CNOT3: variants seen among roughly 807,000 people sequenced by gnomAD.
CNOT3 encodes the protein CCR4-NOT transcription complex subunit 3, also known as CCR4-associated factor 3.
Under a neutral mutation model 89.4 loss-of-function variants are expected in CNOT3, and 2 were observed. That is an observed-to-expected ratio of 0.02 (90% CI 0.01 to 0.07). The LOEUF is 0.07. CNOT3 is among the 10% of genes least tolerant of loss of function. CNOT3 has a pLI of 1.00. For synonymous variants in CNOT3, 486 were observed against 402.0 expected (o/e 1.21, Z -2.50); for missense variants, 664 against 1,010.2 (o/e 0.66, Z 4.65).
chr19:54,140,189 CTGGTTT>C (rs1328814396), intron 1 of CNOT3, among the ~76,000 whole-genome samples: 8 of 152,098 alleles, frequency 5.3e-5, no homozygotes. Flanking sequence ...CTCTTCTTTA[CTGGTTT>C]TGGCTCTGAT....
In CNOT3 at chr19:54,152,228, C is replaced by A. The variant is rs745669715; in HGVS notation, c.1608C>A (p.Ala536=). ...CAGGCCTCTTGTTTCCTCCCCAGGC[C>A]CCTGAGCCTCTGAGCTCCTTGAAGT... is the stretch of plus-strand genomic sequence containing the variant. ...PQFSTAPEIK[A]PEPLSSLKSM... Residue 536 remains alanine, a splice_region_variant and synonymous_variant, in exon 14 of 18, where the codon GCC becomes GCA. Transcript: ENST00000221232. The A allele has an allele frequency of 6.2e-7, 1 of 1,614,120 alleles. No homozygotes were observed. The highest frequency in any genetic ancestry group is 1.1e-5 in the South Asian group (1 of 91,078).
In CNOT3 at chr19:54,137,960, G is replaced by C. The variant is rs2074282855; in HGVS notation, c.-84G>C. On this transcript the variant is annotated 5_prime_UTR_variant, in exon 1 of 18. Coordinates refer to ENST00000221232, the MANE Select transcript of CNOT3 (RefSeq NM_014516.4). ...GGCGCTCGCCTCCCCCGCCTGTCGCGATACGCTCCTCAGCGGCGGCGCCAG... is the reference window on the plus strand; with the variant it reads ...GGCGCTCGCCTCCCCCGCCTGTCGCCATACGCTCCTCAGCGGCGGCGCCAG... The C allele has an allele frequency of 6.6e-6, 1 of 152,120 alleles. No homozygotes were observed. The highest frequency in any genetic ancestry group is 2.4e-5 in the African/African-American group (1 of 41,444). 9.4% of individuals were successfully genotyped at this position (152,120 alleles called of 1,614,324 possible).
rs773852049 is a variant in CNOT3 at position 54,149,542 on chromosome 19, T to C, written c.1407-18T>C. The C allele has an allele frequency of 5.2e-6, 8 of 1,527,654 alleles. No individual in the cohort carries two copies. The African/African-American group carries it at 8.3e-5, about 16-fold the overall frequency. The allele number at this position is 1,527,654 out of a possible 1,614,324, so 94.6% of individuals were successfully genotyped here. Reference sequence around the variant, plus strand: ...AGGGACCCTCCTCTCAACCCCCTCTTCCATGCTCTCTCTCCAGGAAGGAAC... The same window carrying C: ...AGGGACCCTCCTCTCAACCCCCTCTCCCATGCTCTCTCTCCAGGAAGGAAC... On this transcript the variant is annotated intron_variant, in intron 12 of 17. Coordinates refer to ENST00000221232, the MANE Select transcript of CNOT3 (RefSeq NM_014516.4).
chr19:54,152,967 G>C lies in CNOT3; in HGVS notation c.2005G>C (p.Glu669Gln). The C allele has an allele frequency of 6.2e-7, 1 of 1,609,284 alleles. No individual in the cohort carries two copies. Among genetic ancestry groups the C allele is most frequent in the Non-Finnish European group, 8.5e-7 (1 of 1,176,778 alleles). Residue 669 changes from glutamate to glutamine, a missense_variant, in exon 16 of 18, where the codon GAG (glutamate) becomes CAG (glutamine). By Grantham distance (29) the Glu-to-Gln change is conservative. Transcript: ENST00000221232. Reference protein sequence around the residue: ...TVEFYQRLSTETLFFIFYYLE... With the variant: ...TVEFYQRLSTQTLFFIFYYLE... ...GGAATTCTACCAGCGCCTGTCGACC[G>C]AGACACTCTTCTTCATCTTCTACTA...
intron 13 of CNOT3, among the ~76,000 whole-genome samples, chr19:54,150,193 C>A (rs2074992077): frequency 2.0e-5 from 3 of 152,048 alleles, no homozygotes; most frequent in African/African-American, 7.2e-5. Flanking sequence ...GCTGGGGCAG[C>A]TGCAGGGAAG....
chr19:54,145,538 G>A lies in CNOT3; in HGVS notation c.484-60G>A, dbSNP rs2074629877. 8.5e-7 allele frequency: 1 copy of A among 1,174,116 alleles called. No homozygotes were observed. Among genetic ancestry groups the A allele is most frequent in the Non-Finnish European group, 1.3e-6 (1 of 789,884 alleles). The allele number at this position is 1,174,116 out of a possible 1,614,324, so 72.7% of individuals were successfully genotyped here. ...GGGACTGAGGACAGGTTCTGTGGGG[G>A]CAGGAGGGGCCAAGCAGGTGCTCTG... On this transcript the variant is annotated intron_variant, in intron 7 of 17. Coordinates refer to ENST00000221232, the MANE Select transcript of CNOT3 (RefSeq NM_014516.4). The surrounding 1 kb of genome is among the most constrained non-coding windows in gnomAD (Gnocchi z 5.9).
At chr19:54,138,652 G>A (rs1260552415) in intron 1 of CNOT3, among the ~76,000 whole-genome samples, 2 of 152,222 alleles carry the variant, frequency 1.3e-5, no homozygotes, top group African/African-American at 4.8e-5. Flanking sequence ...CGTCTGTATC[G>A]GATGGGAGCC....
rs778738177 is a variant in CNOT3 at position 54,148,567 on chromosome 19, G to A, written c.1282+32G>A. ...GAGGAGGCAGCGGGGTGGGGGGCGT[G>A]GGCGGGGCTGGGCAGCAGGCAGCAG... On this transcript the variant is annotated intron_variant, in intron 11 of 17. Coordinates refer to ENST00000221232, the MANE Select transcript of CNOT3 (RefSeq NM_014516.4). This position sits in a 1 kb window ranked among gnomAD's most constrained non-coding sequence, Gnocchi z 6.3. The A allele has an allele frequency of 4.4e-6, 7 of 1,584,122 alleles. No individual in the cohort carries two copies. In the South Asian group the frequency reaches 8.0e-5, roughly 18 times the overall value.
At chr19:54,139,844 C>G (rs959508269) in intron 1 of CNOT3, among the ~76,000 whole-genome samples, 1 of 152,094 alleles carries the variant, frequency 6.6e-6, no homozygotes, top group Non-Finnish European at 1.5e-5. Context: ...TCCAGCCCCC[C>G]ACCCTTGGCA....
chr19:54,149,663 C>T lies in CNOT3; in HGVS notation c.1510C>T (p.Pro504Ser). 6.2e-7 allele frequency: 1 copy of T among 1,614,072 alleles called. No individual in the cohort carries two copies. ...PSLLVPLPVN[P>S]PSSPTPSFSD... ...CCTCCTGGTGCCACTGCCTGTGAAT[C>T]CTCCCAGCTCCCCAACGCCCAGCTT... The change falls in exon 13 of 18, where the codon CCT becomes TCT. Residue 504 changes from proline to serine, a missense_variant. Transcript: ENST00000221232.
In CNOT3 at chr19:54,152,755, G is replaced by A. The variant is rs186837337; in HGVS notation, c.1905-112G>A. The stretch of plus-strand genomic sequence containing the variant: ...GGGCTCTCCACTGAAGGTCAGCACC[G>A]CCCTGGGTCTTTCTGTACCACCTCC... On this transcript the variant is annotated intron_variant, in intron 15 of 17. Coordinates refer to ENST00000221232, the MANE Select transcript of CNOT3 (RefSeq NM_014516.4). 424 of 912,448 alleles carry A rather than the reference G, an allele frequency of 4.6e-4. No homozygotes were observed. In the African/African-American group the frequency reaches 5.8e-3, roughly 13 times the overall value. The allele number at this position is 912,448 out of a possible 1,614,324, so 56.5% of individuals were successfully genotyped here. A position where few individuals can be genotyped will look rare whatever the true frequency, so the allele number is the denominator to read the frequency against.
Position 54,149,596 on chromosome 19 carries a change from G to A in CNOT3, c.1443G>A (p.Gly481=). Residue 481 remains glycine (G), a synonymous_variant, in exon 13 of 18, where the codon GGG becomes GGA. Transcript: ENST00000221232. ...EPSAAAPTGA[G]GVAPGSGNNS... is the part of the protein sequence containing the mutation. ...GTGCGGCAGCCCCAACGGGGGCTGG[G>A]GGCGTGGCCCCAGGCTCAGGGAACA... 6.2e-7 allele frequency: 1 copy of A among 1,608,292 alleles called. No homozygotes were observed. The highest frequency in any genetic ancestry group is 8.5e-7 in the Non-Finnish European group (1 of 1,176,342).
In CNOT3 at chr19:54,148,261, C is replaced by T; in HGVS notation, c.1008C>T (p.Thr336=). The change falls in exon 11 of 18, where the codon ACC becomes ACT. Residue 336 remains threonine (T), a synonymous_variant. Coordinates refer to ENST00000221232, the MANE Select transcript of CNOT3 (RefSeq NM_014516.4). This position sits in a 1 kb window ranked among gnomAD's most constrained non-coding sequence, Gnocchi z 6.3. ...GPPPAASALS[T]TPGNNGVPAP... is the part of the protein sequence containing the mutation. ...CGCCTGCTGCCTCTGCCTTGAGCACCACTCCTGGCAACAATGGGGTCCCCG... is the reference window on the plus strand; with the variant it reads ...CGCCTGCTGCCTCTGCCTTGAGCACTACTCCTGGCAACAATGGGGTCCCCG... 4 of 1,606,594 alleles carry T rather than the reference C, an allele frequency of 2.5e-6. No homozygotes were observed. The highest frequency in any genetic ancestry group is 3.4e-6 in the Non-Finnish European group (4 of 1,175,826).
At chr19:54,153,937 CTTTCAGCTG>C in intron 17 of CNOT3, 97 bp downstream of exon 17, 1 of 1,510,952 alleles carries the variant, frequency 6.6e-7, no homozygotes, top group Non-Finnish European at 9.2e-7. Flanking sequence ...TTGCCTCCAC[CTTTCAGCTG>C]GCGCAGTCCC....
chr19:54,143,759 CA>C lies in CNOT3; in HGVS notation c.258+11del. 2 of 1,612,638 alleles carry C rather than the reference CA, an allele frequency of 1.2e-6. No individual in the cohort carries two copies. The highest frequency in any genetic ancestry group is 1.7e-6 in the Non-Finnish European group (2 of 1,179,066). ...CAAGCTCATTGAGACGGTAGGAGCC[CA>C]GAGCCTGAGTCCCAGAGAGGTGGGA... On this transcript the variant is annotated intron_variant, in intron 5 of 17. Transcript: ENST00000221232.
intron 16 of CNOT3, 23 bp downstream of exon 16, chr19:54,153,022 G>T (rs1255626229): frequency 6.3e-7 from 1 of 1,592,148 alleles, no homozygotes; most frequent in Non-Finnish European, 8.6e-7. Flanking sequence ...CCCCGGGGCA[G>T]CCTCGGGCCC....
rs1344376925 is a variant in CNOT3 at position 54,138,218 on chromosome 19, G to T, written c.-51+225G>T. 5.3e-5 allele frequency among the ~76,000 whole-genome samples: 8 copies of T among 151,614 alleles called. No individual in the cohort carries two copies. The South Asian group carries it at 1.7e-3, about 32-fold the overall frequency. On this transcript the variant is annotated intron_variant, in intron 1 of 17. Coordinates refer to ENST00000221232, the MANE Select transcript of CNOT3 (RefSeq NM_014516.4). ...CTGCGCCTCTTTCACGTTCCTCAGC[G>T]CCTCCCGGGGGTCCTTCCGCGACCC...
chr19:54,143,899 A>C, intron 5 of CNOT3, 107 bp from the exon 6 acceptor site: 1 of 1,518,050 alleles, frequency 6.6e-7, no homozygotes, highest in Non-Finnish European at 8.9e-7. Context: ...CAGCGGACTC[A>C]GAGCTCAGAA....
intron 3 of CNOT3, 100 bp from the exon 4 acceptor site, chr19:54,143,342 T>TGGGGGGTGGGGGTG: frequency 1.1e-6 from 1 of 946,668 alleles, no homozygotes; most frequent in Non-Finnish European, 1.6e-6. Context: ...GGGTAGGGGT[T>TGGGGGGTGGGGGTG]GGGGGGGGTC....
Sources: gnomAD v4.1 joint callset for allele counts (sites outside exome capture counted in the v4.1 genomes callset) on GRCh38, gnomAD v4.1.1 for gene constraint, Gnocchi (gnomAD v3.1) non-coding constraint, MANE v1.5 for transcripts, NCBI Gene and HGNC (gene_info 2026-07-23, HGNC 2026-07-21) for gene names.